SLC9B1: variants seen among roughly 807,000 people sequenced by gnomAD.
The protein encoded by SLC9B1 is sodium/hydrogen exchanger 9B1.
A neutral mutation model predicts 51.7 loss-of-function variants in SLC9B1; 32 were observed. The observed-to-expected ratio is 0.62, with a 90% CI of 0.47 to 0.83. The LOEUF (loss-of-function observed/expected upper bound fraction) is 0.83, where lower values mean the gene tolerates loss of function less well. Among genes scored for constraint, SLC9B1 ranks in the 40% least tolerant of loss-of-function variants. The pLI, the probability that SLC9B1 is intolerant of heterozygous loss-of-function variation, is 0.00. For missense variants in SLC9B1, 406 were observed against 613.2 expected (o/e 0.66, Z 3.57); for synonymous variants, 145 against 212.7 (o/e 0.68, Z 2.77).
intron 3 of SLC9B1, among the ~76,000 whole-genome samples, chr4:102,949,958 C>T (rs965796733): frequency 1.3e-5 from 2 of 150,986 alleles, no homozygotes; most frequent in African/African-American, 4.9e-5. Flanking sequence ...GAGACTCAGT[C>T]TCAATAAAAA....
intron 1 of SLC9B1, among the ~76,000 whole-genome samples, chr4:103,016,204 A>G (rs544112913): frequency 2.0e-5 from 3 of 150,256 alleles, no homozygotes; most frequent in East Asian, 3.9e-4. Flanking sequence ...CAATACTTCT[A>G]TATATTCCCT....
Position 102,989,756 on chromosome 4 carries a change from A to G in SLC9B1, c.211+44T>C, listed in dbSNP as rs188412925. Reference sequence around the variant, plus strand: ...TCTCATGTTTTAATATTTATCAAACATATTTCTCATCTTCTCTTCATTTAC... The same window carrying G: ...TCTCATGTTTTAATATTTATCAAACGTATTTCTCATCTTCTCTTCATTTAC... On this transcript the variant is annotated intron_variant, in intron 3 of 11. Coordinates refer to ENST00000296422, the MANE Select transcript of SLC9B1 (RefSeq NM_139173.4). The G allele has an allele frequency of 9.5e-6, 13 of 1,363,292 alleles. No individual in the cohort carries two copies. The African/African-American group carries it at 1.6e-4, about 17-fold the overall frequency. The allele number at this position is 1,363,292 out of a possible 1,614,324, so 84.4% of individuals were successfully genotyped here. A position where few individuals can be genotyped will look rare whatever the true frequency, so the allele number is the denominator to read the frequency against.
At chr4:102,902,568 GA>G (rs140726277) in intron 11 of SLC9B1, among the ~76,000 whole-genome samples, 1,643 of 152,222 alleles carry the variant, frequency 0.011, 19 homozygotes, top group African/African-American at 0.037. Context: ...ACTTTTAAGA[GA>G]TGATTATGAT....
At chr4:102,934,690 C>T (rs576136250) in intron 6 of SLC9B1, among the ~76,000 whole-genome samples, 1,677 of 147,676 alleles carry the variant, frequency 0.011, 22 homozygotes, top group African/African-American at 0.039. Flanking sequence ...CACTTGAACC[C>T]GGGAGGTGGA....
chr4:102,982,420 A>C (rs1739408382), intron 3 of SLC9B1, among the ~76,000 whole-genome samples: 1 of 152,080 alleles, frequency 6.6e-6, no homozygotes. Context: ...TTTTTAAATA[A>C]ATTTGTTCAT....
chr4:102,951,761 T>G (rs1737569223), intron 3 of SLC9B1, among the ~76,000 whole-genome samples: 1 of 151,732 alleles, frequency 6.6e-6, no homozygotes, highest in African/African-American at 2.4e-5. Flanking sequence ...CAACTAATAG[T>G]AGTTTCAGAA....
chr4:102,923,895 C>T (rs538318877), intron 7 of SLC9B1, among the ~76,000 whole-genome samples: 52 of 152,092 alleles, frequency 3.4e-4, no homozygotes, highest in African/African-American at 1.2e-3. Flanking sequence ...CACTTCTCAA[C>T]GAAATAAAAG....
intron 6 of SLC9B1, among the ~76,000 whole-genome samples, chr4:102,944,331 T>C (rs1260760542): frequency 6.6e-6 from 1 of 152,108 alleles, no homozygotes; most frequent in African/African-American, 2.4e-5. Flanking sequence ...CCCTGTGACA[T>C]GCAATTTATC....
intron 3 of SLC9B1, among the ~76,000 whole-genome samples, chr4:102,980,629 C>T (rs2903284): frequency 0.55 from 82,999 of 151,854 alleles, 23,245 homozygotes; most frequent in African/African-American, 0.68. Flanking sequence ...CTAATGGATG[C>T]TGAGCTTAAT....
intron 6 of SLC9B1, among the ~76,000 whole-genome samples, chr4:102,940,322 G>A (rs1177473488): frequency 6.6e-6 from 1 of 152,074 alleles, no homozygotes; most frequent in Non-Finnish European, 1.5e-5. Context: ...TCTCTACAAT[G>A]AAAATTACAA....
intron 7 of SLC9B1, among the ~76,000 whole-genome samples, chr4:102,928,444 G>A (rs1257272984): frequency 2.0e-5 from 3 of 152,076 alleles, no homozygotes; most frequent in Admixed American, 6.6e-5. Flanking sequence ...TCAGCAGTTC[G>A]GTCAAAGCCA....
At chr4:102,914,231 A>C (rs564817506) in intron 7 of SLC9B1, among the ~76,000 whole-genome samples, 36,137 of 89,902 alleles carry the variant, frequency 0.4, 8,335 homozygotes, top group African/African-American at 0.54. Context: ...GGTGCACTGG[A>C]TGAATCAGCC....
intron 11 of SLC9B1, among the ~76,000 whole-genome samples, chr4:102,894,483 T>C (rs1734439323): frequency 6.6e-6 from 1 of 152,092 alleles, no homozygotes; most frequent in East Asian, 1.9e-4. Flanking sequence ...AAGAGGAATA[T>C]TGGTAAGTTA....
chr4:102,940,334 C>G (rs1440911607), intron 6 of SLC9B1, among the ~76,000 whole-genome samples: 14 of 152,116 alleles, frequency 9.2e-5, no homozygotes, highest in Admixed American at 6.6e-5. Flanking sequence ...AAATTACAAA[C>G]GAGTGCTCAA....
intron 6 of SLC9B1, among the ~76,000 whole-genome samples, chr4:102,940,350 CAG>C (rs776039576): frequency 6.6e-6 from 1 of 151,930 alleles, no homozygotes; most frequent in Non-Finnish European, 1.5e-5. Flanking sequence ...CTCAAAGAAT[CAG>C]AGACAACAGA....
chr4:102,920,082 G>A (rs1578346296), intron 7 of SLC9B1, among the ~76,000 whole-genome samples: 1 of 152,236 alleles, frequency 6.6e-6, no homozygotes, highest in East Asian at 1.9e-4. Context: ...TTCTGAGAAT[G>A]GACAGACTGC....
chr4:102,972,924 T>A (rs1738840410), intron 3 of SLC9B1, among the ~76,000 whole-genome samples: 1 of 152,180 alleles, frequency 6.6e-6, no homozygotes, highest in South Asian at 2.1e-4. Flanking sequence ...AATTACTTGT[T>A]AATTCAAGTA....
intron 11 of SLC9B1, among the ~76,000 whole-genome samples, chr4:102,905,237 T>TTTATTTATTTATTTA (rs1185969416): frequency 1.3e-3 from 61 of 45,786 alleles, no homozygotes; most frequent in African/African-American, 5.7e-3. Context: ...TTATTTATTT[T>TTTATTTATTTATTTA]TTTGAGATGG....
chr4:102,885,069 T>G, exon 12 of SLC9B1: 1 of 692,254 alleles, frequency 1.4e-6, no homozygotes. Context: ...CTGGCTTTAT[T>G]GTGTTATTTA....
Sources: allele counts gnomAD v4.1 joint callset (sites outside exome capture counted in the v4.1 genomes callset), GRCh38; gene constraint gnomAD v4.1.1; transcripts MANE v1.5; gene names NCBI Gene and HGNC (gene_info 2026-07-23, HGNC 2026-07-21).